The following ATG10 variants were observed in gnomAD, a reference collection of about 807,000 sequenced individuals.
ATG10 encodes ubiquitin-like-conjugating enzyme ATG10.
In ATG10, 30 loss-of-function variants were observed where a neutral mutation model predicts 32.1. The ratio of observed to expected loss-of-function variants is 0.94; its 90% confidence interval spans 0.70 to 1.27. The LOEUF (loss-of-function observed/expected upper bound fraction) is 1.27. Ranked by LOEUF, ATG10 falls within the 50% of genes most tolerant of loss-of-function variation. ATG10 has a pLI of 0.00. For missense variants in ATG10, 233 were observed against 262.3 expected (o/e 0.89, Z 0.77); for synonymous variants, 87 against 91.5 (o/e 0.95, Z 0.28).
At chr5:82,123,659 G>A (rs918535031) in intron 3 of ATG10, among the ~76,000 whole-genome samples, 1 of 151,612 alleles carries the variant, frequency 6.6e-6, no homozygotes, top group African/African-American at 2.4e-5. Context: ...ACCAGGCATG[G>A]TGGCTTACGC....
intron 3 of ATG10, among the ~76,000 whole-genome samples, chr5:82,098,469 C>A (rs1299720026): frequency 6.6e-6 from 1 of 151,968 alleles, no homozygotes; most frequent in Non-Finnish European, 1.5e-5. Flanking sequence ...CACCACCACG[C>A]CCTGCTAATT....
chr5:82,150,905 T>C (rs1042705605), intron 3 of ATG10, among the ~76,000 whole-genome samples: 6 of 152,232 alleles, frequency 3.9e-5, no homozygotes, highest in African/African-American at 1.4e-4. Context: ...ACATTTAGTA[T>C]TGGTAAGTTC....
intron 2 of ATG10, among the ~76,000 whole-genome samples, chr5:82,019,599 G>T (rs568509049): frequency 8.5e-5 from 13 of 152,292 alleles, no homozygotes; most frequent in Non-Finnish European, 1.3e-4. Flanking sequence ...ATGAGTTTCG[G>T]CAAAGGGGGA....
chr5:82,022,138 G>T (rs1457270286), intron 2 of ATG10, among the ~76,000 whole-genome samples: 6 of 150,704 alleles, frequency 4.0e-5, no homozygotes, highest in Non-Finnish European at 8.9e-5. Flanking sequence ...GCAGTGAGCC[G>T]AGATTGCGCC....
chr5:82,200,704 G>A (rs2149961946), intron 5 of ATG10, among the ~76,000 whole-genome samples: 2 of 150,218 alleles, frequency 1.3e-5, no homozygotes, highest in South Asian at 4.2e-4. Flanking sequence ...CTTATTGTTG[G>A]GTTTTGACAG....
intron 2 of ATG10, among the ~76,000 whole-genome samples, chr5:82,047,050 G>T (rs1170858261): frequency 6.6e-6 from 1 of 150,650 alleles, no homozygotes; most frequent in Non-Finnish European, 1.5e-5. Flanking sequence ...GAATAATTCA[G>T]TGAGCAAACA....
At chr5:81,985,071 A>G (rs183772679) in intron 1 of ATG10, among the ~76,000 whole-genome samples, 74 of 152,342 alleles carry the variant, frequency 4.9e-4, no homozygotes, top group African/African-American at 1.7e-3. Context: ...AGTGCTGTTA[A>G]TTAGATAAAC....
chr5:82,035,177 G>A (rs1468214363), intron 2 of ATG10, among the ~76,000 whole-genome samples: 1 of 152,156 alleles, frequency 6.6e-6, no homozygotes, highest in African/African-American at 2.4e-5. Context: ...CTCCCAAAGC[G>A]CTGGGATTAC....
chr5:82,066,912 A>C (rs1427544909), intron 3 of ATG10, among the ~76,000 whole-genome samples: 1 of 152,216 alleles, frequency 6.6e-6, no homozygotes, highest in Non-Finnish European at 1.5e-5. Context: ...ATGTATTGAT[A>C]GATGTAAATG....
In ATG10 at chr5:82,254,047, CTTTTG is replaced by C. The variant is rs1747367100; in HGVS notation, c.*5-16_*5-12del. 6.6e-6 allele frequency: 1 copy of C among 152,112 alleles called. No individual in the cohort carries two copies. Among genetic ancestry groups the C allele is most frequent in the African/African-American group, 2.4e-5 (1 of 41,388 alleles). 9.4% of individuals were successfully genotyped at this position (152,112 alleles called of 1,614,324 possible). On this transcript the variant is annotated splice_polypyrimidine_tract_variant and intron_variant, in intron 7 of 7. Coordinates refer to ENST00000282185, the MANE Select transcript of ATG10 (RefSeq NM_031482.5). ...AGTTATTTTTCTTTTATTCTCTTGG[CTTTTG>C]TTTTATGTTCTTCAGATTCTTCTAT...
chr5:82,231,257 A>C (rs2150006353), intron 5 of ATG10, among the ~76,000 whole-genome samples: 1 of 152,370 alleles, frequency 6.6e-6, no homozygotes, highest in African/African-American at 2.4e-5. Context: ...TTAAAATTTC[A>C]GCAGAAGTTG....
intron 3 of ATG10, among the ~76,000 whole-genome samples, chr5:82,081,258 G>A (rs1764469907): frequency 6.6e-6 from 1 of 152,190 alleles, no homozygotes; most frequent in Admixed American, 6.5e-5. Flanking sequence ...GAGATTTTGG[G>A]CTGAGATGAT....
In ATG10 at chr5:81,982,817, C is replaced by T. The variant is rs981368355; in HGVS notation, c.-12-4742C>T. The stretch of plus-strand genomic sequence containing the variant: ...CTGTTTAACAAAGCACATCTTGCAC[C>T]GCCCTTAATCCATTTAACCCCGAGT... On this transcript the variant is annotated intron_variant, in intron 1 of 7. Coordinates refer to ENST00000282185, the MANE Select transcript of ATG10 (RefSeq NM_031482.5). 8.5e-5 allele frequency among the ~76,000 whole-genome samples: 13 copies of T among 152,280 alleles called. No homozygotes were observed. The South Asian group carries it at 1.0e-3, about 12-fold the overall frequency.
intron 2 of ATG10, among the ~76,000 whole-genome samples, chr5:82,015,393 G>A (rs1447881845): frequency 2.0e-5 from 3 of 152,202 alleles, no homozygotes; most frequent in Non-Finnish European, 4.4e-5. Flanking sequence ...GGTTGGGGAA[G>A]TTCTCCTGGA....
chr5:82,073,520 G>A (rs1764188094), intron 3 of ATG10: 1 of 152,110 alleles, frequency 6.6e-6, no homozygotes, highest in Admixed American at 6.5e-5. Flanking sequence ...CTCCTTCTGT[G>A]TGACTTTGAA....
At chr5:82,180,176 C>T (rs1356951254) in intron 5 of ATG10, among the ~76,000 whole-genome samples, 1 of 152,170 alleles carries the variant, frequency 6.6e-6, no homozygotes, top group Non-Finnish European at 1.5e-5. Context: ...GGTTGCCACT[C>T]CCTGGTTCCA....
intron 5 of ATG10, among the ~76,000 whole-genome samples, chr5:82,251,705 A>G (rs1747259699): frequency 6.6e-6 from 1 of 152,182 alleles, no homozygotes; most frequent in Non-Finnish European, 1.5e-5. Flanking sequence ...AATACAAATA[A>G]TCAATAAATG....
At chr5:82,118,734 A>G (rs999293170) in intron 3 of ATG10, among the ~76,000 whole-genome samples, 3 of 152,150 alleles carry the variant, frequency 2.0e-5, no homozygotes, top group Admixed American at 6.6e-5. Context: ...TGCTGAAGCC[A>G]TGGAGATGTT....
chr5:82,098,649 G>A (rs1483449853), intron 3 of ATG10, among the ~76,000 whole-genome samples: 2 of 152,106 alleles, frequency 1.3e-5, no homozygotes, highest in African/African-American at 2.4e-5. Context: ...AGGGGTTATC[G>A]TTTATAGACT....
Sources: allele counts gnomAD v4.1 joint callset (sites outside exome capture counted in the v4.1 genomes callset), GRCh38; gene constraint gnomAD v4.1.1; transcripts MANE v1.5; gene names NCBI Gene and HGNC (gene_info 2026-07-23, HGNC 2026-07-21).